The following CRADD variants were observed in gnomAD, a reference collection of about 807,000 sequenced individuals.
The protein encoded by CRADD is CARD and death domain containing adaptor protein.
In CRADD, 9 loss-of-function variants were observed where a neutral mutation model predicts 15.5. The observed-to-expected ratio is 0.58, with a 90% confidence interval of 0.35 to 1.01. The LOEUF (loss-of-function observed/expected upper bound fraction) is 1.01, where lower values mean the gene tolerates loss of function less well. CRADD is among the 50% of genes least tolerant of loss of function. CRADD has a pLI of 0.02. For missense variants in CRADD, 227 were observed against 250.3 expected (o/e 0.91, Z 0.63); for synonymous variants, 118 against 107.6 (o/e 1.10, Z -0.60).
chr12:93,835,513 A>G lies in CRADD; in HGVS notation c.299-14457A>G, dbSNP rs1433697527. Among the ~76,000 whole-genome samples, 3 of 152,110 alleles carry G rather than the reference A, an allele frequency of 2.0e-5. No individual in the cohort carries two copies. The East Asian group carries it at 5.8e-4, about 29-fold the overall frequency. ...GCTCATTTTAGGGATATTTTCTTGT[A>G]TTGGATCTTTAAACACTTTGGCCTG... is the stretch of plus-strand genomic sequence containing the variant. On this transcript the variant is annotated intron_variant, in intron 2 of 2. Coordinates refer to ENST00000332896, the MANE Select transcript of CRADD (RefSeq NM_003805.5).
At chr12:93,863,496 A>T (rs1477057324) in intron 2 of CRADD, among the ~76,000 whole-genome samples, 1 of 152,004 alleles carries the variant, frequency 6.6e-6, no homozygotes, top group Non-Finnish European at 1.5e-5. Context: ...GGGGCATCTG[A>T]CAAGTCTTTA....
chr12:93,692,854 A>G (rs924683845), intron 2 of CRADD, among the ~76,000 whole-genome samples: 1 of 152,206 alleles, frequency 6.6e-6, no homozygotes, highest in Admixed American at 6.5e-5. Context: ...TTACATCTTT[A>G]GTTTGAAGGT....
chr12:93,747,466 C>CT (rs1280588379), intron 2 of CRADD, among the ~76,000 whole-genome samples: 134 of 145,138 alleles, frequency 9.2e-4, no homozygotes, highest in East Asian at 1.8e-3. Flanking sequence ...TTTTCTTCTT[C>CT]TTTTTTTTTT....
intron 2 of CRADD, among the ~76,000 whole-genome samples, chr12:93,773,306 A>G (rs966191343): frequency 6.6e-6 from 1 of 152,112 alleles, no homozygotes; most frequent in African/African-American, 2.4e-5. Context: ...AGTGGGAGGT[A>G]GTTGAATCAT....
At chr12:93,863,177 G>T (rs544978727) in intron 2 of CRADD, among the ~76,000 whole-genome samples, 8 of 152,070 alleles carry the variant, frequency 5.3e-5, no homozygotes, top group Non-Finnish European at 1.0e-4. Flanking sequence ...TGTTCCTCAA[G>T]AGGCAGTGGG....
chr12:93,684,750 C>CAT (rs1955394497), intron 2 of CRADD, among the ~76,000 whole-genome samples: 1 of 152,250 alleles, frequency 6.6e-6, no homozygotes, highest in South Asian at 2.1e-4. Context: ...GATGAGGGGA[C>CAT]ACTGAGCAGA....
At chr12:93,714,949 C>T (rs1362528376) in intron 2 of CRADD, 1 of 152,156 alleles carries the variant, frequency 6.6e-6, no homozygotes, top group East Asian at 1.9e-4. Flanking sequence ...GCATTTGTGT[C>T]AGCCAAAAAG....
intron 2 of CRADD, among the ~76,000 whole-genome samples, chr12:93,693,818 A>C (rs1955633383): frequency 6.6e-6 from 1 of 152,080 alleles, no homozygotes; most frequent in African/African-American, 2.4e-5. Flanking sequence ...TTAGTAATGT[A>C]TAAGGATATT....
chr12:93,707,128 A>G (rs2136850908), intron 2 of CRADD, among the ~76,000 whole-genome samples: 1 of 152,308 alleles, frequency 6.6e-6, no homozygotes, highest in South Asian at 2.1e-4. Context: ...TCTCTGGGCA[A>G]AGCAGTCATT....
intron 2 of CRADD, among the ~76,000 whole-genome samples, chr12:93,706,276 G>T (rs986063151): frequency 6.6e-6 from 1 of 152,212 alleles, no homozygotes; most frequent in East Asian, 1.9e-4. Context: ...GTGTTTTCTT[G>T]AGTCATTATT....
At chr12:93,791,254 A>T (rs972443016) in intron 2 of CRADD, among the ~76,000 whole-genome samples, 1 of 152,172 alleles carries the variant, frequency 6.6e-6, no homozygotes, top group Non-Finnish European at 1.5e-5. Context: ...AATAGCCAAG[A>T]TAGAGAATCA....
intron 2 of CRADD, among the ~76,000 whole-genome samples, chr12:93,877,841 C>A (rs1431392232): frequency 6.6e-6 from 1 of 152,122 alleles, no homozygotes; most frequent in Admixed American, 6.5e-5. Context: ...GGTGCTCTAT[C>A]CCCCTGTGGC....
intron 2 of CRADD, among the ~76,000 whole-genome samples, chr12:93,764,247 G>A (rs10437877): frequency 0.4 from 58,899 of 148,856 alleles, 12,770 homozygotes; most frequent in East Asian, 0.79. Context: ...AATTGGAAGT[G>A]ACAAGACTAG....
chr12:93,892,347 C>T (rs1010998199), intron 2 of CRADD, among the ~76,000 whole-genome samples: 6 of 152,146 alleles, frequency 3.9e-5, no homozygotes, highest in South Asian at 4.1e-4. Flanking sequence ...TTGATTATTG[C>T]GTTTATTTGG....
chr12:93,760,329 A>G (rs1956938605), intron 2 of CRADD, among the ~76,000 whole-genome samples: 1 of 152,122 alleles, frequency 6.6e-6, no homozygotes, highest in East Asian at 1.9e-4. Flanking sequence ...TTTCTGCCCA[A>G]TTATGGAAGG....
At chr12:93,870,394 A>G (rs1696350832) in intron 2 of CRADD, among the ~76,000 whole-genome samples, 1 of 152,206 alleles carries the variant, frequency 6.6e-6, no homozygotes, top group African/African-American at 2.4e-5. Context: ...ATGTGCAACT[A>G]AGAAAATGAG....
chr12:93,715,804 C>T (rs1956151239), intron 2 of CRADD, among the ~76,000 whole-genome samples: 1 of 151,826 alleles, frequency 6.6e-6, no homozygotes, highest in Admixed American at 6.6e-5. Context: ...ATCCTTTTTC[C>T]CCATTTTCTT....
At chr12:93,691,919 A>G (rs556645883) in intron 2 of CRADD, among the ~76,000 whole-genome samples, 160 of 152,340 alleles carry the variant, frequency 1.1e-3, no homozygotes, top group African/African-American at 3.7e-3. Flanking sequence ...TGAATTAGGA[A>G]AAATAACTAA....
At chr12:93,802,973 C>T (rs1957491669) in intron 2 of CRADD, among the ~76,000 whole-genome samples, 1 of 152,152 alleles carries the variant, frequency 6.6e-6, no homozygotes, top group South Asian at 2.1e-4. Context: ...CCATTTTGCC[C>T]CCAATGCCAG....
Sources: gnomAD v4.1 joint callset for allele counts (sites outside exome capture counted in the v4.1 genomes callset) on GRCh38, gnomAD v4.1.1 for gene constraint, MANE v1.5 for transcripts, NCBI Gene and HGNC (gene_info 2026-07-23, HGNC 2026-07-21) for gene names.